VPS53: variants seen among roughly 807,000 people sequenced by gnomAD.
VPS53 encodes the protein VPS53 subunit of GARP complex, also known as vacuolar protein sorting-associated protein 53 homolog.
Under a neutral mutation model 107.0 loss-of-function variants are expected in VPS53, and 70 were observed. That is an observed-to-expected ratio of 0.65 (90% CI 0.54 to 0.80). The LOEUF (loss-of-function observed/expected upper bound fraction) is 0.80. VPS53 is among the 30% of genes least tolerant of loss of function. VPS53 has a pLI of 0.00. For synonymous variants in VPS53, 409 were observed against 393.3 expected (o/e 1.04, Z -0.47); for missense variants, 917 against 1,049.4 (o/e 0.87, Z 1.74).
chr17:628,135 T>C lies in VPS53; in HGVS notation c.784A>G (p.Lys262Glu). ...ACCAGATACTCTGACAGATGCTGTT[T>C]AATAAACTTTTTGATGATTTCCTGT... Reference protein sequence around the residue: ...IKQEIIKKFIKQHLSEYLVLF... With the variant: ...IKQEIIKKFIEQHLSEYLVLF... The change falls in exon 9 of 22, where the codon AAA (lysine) becomes GAA (glutamate). Residue 262 changes from lysine to glutamate, a missense_variant. Physicochemically the swap from Lys to Glu is moderately conservative, Grantham distance 56. Coordinates refer to ENST00000437048, the MANE Select transcript of VPS53 (RefSeq NM_001128159.3). The C allele has an allele frequency of 6.2e-7, 1 of 1,614,026 alleles. No homozygotes were observed. The highest frequency in any genetic ancestry group is 1.1e-5 in the South Asian group (1 of 91,018).
At chr17:586,759 A>T (rs1967339778) in intron 12 of VPS53, among the ~76,000 whole-genome samples, 1 of 152,144 alleles carries the variant, frequency 6.6e-6, no homozygotes, top group African/African-American at 2.4e-5. Context: ...ACCAACTAAT[A>T]TGTCACCTGC....
chr17:710,472 G>T, intron 2 of VPS53, 61 bp downstream of exon 2: 1 of 1,325,844 alleles, frequency 7.5e-7, no homozygotes, highest in Non-Finnish European at 1.1e-6. Context: ...AACACACGAA[G>T]CATAACACCC....
intron 17 of VPS53, among the ~76,000 whole-genome samples, chr17:549,398 T>C (rs996528090): frequency 6.6e-6 from 1 of 152,034 alleles, no homozygotes; most frequent in Non-Finnish European, 1.5e-5. Context: ...CCCAAGTCTG[T>C]GGTTTTCCTA....
intron 4 of VPS53, among the ~76,000 whole-genome samples, chr17:691,806 A>ACTGT (rs1252011035): frequency 6.6e-6 from 1 of 152,220 alleles, no homozygotes; most frequent in Non-Finnish European, 1.5e-5. Flanking sequence ...ATGCTGGCAT[A>ACTGT]CTGTCATAAT....
intron 11 of VPS53, among the ~76,000 whole-genome samples, chr17:604,414 G>A (rs749946512): frequency 3.3e-5 from 5 of 152,108 alleles, no homozygotes; most frequent in Non-Finnish European, 5.9e-5. Context: ...TACTCTCGCC[G>A]GTGTAAAGCA....
chr17:590,914 CCT>C (rs1332602278), intron 12 of VPS53, among the ~76,000 whole-genome samples: 1 of 150,552 alleles, frequency 6.6e-6, no homozygotes, highest in African/African-American at 2.4e-5. Flanking sequence ...GAGAGGATTC[CCT>C]CTTTTTCTAT....
intron 17 of VPS53, chr17:537,906 G>T (rs1172994449): frequency 2.6e-5 from 4 of 152,290 alleles, no homozygotes; most frequent in Non-Finnish European, 2.9e-5. Context: ...TTCAATAAGG[G>T]GAAGGGAAAG....
At chr17:677,025 G>C (rs755557273) in intron 4 of VPS53, among the ~76,000 whole-genome samples, 2 of 152,080 alleles carry the variant, frequency 1.3e-5, no homozygotes, top group African/African-American at 2.4e-5. Flanking sequence ...GAACAATATG[G>C]AAAAATGTTT....
intron 4 of VPS53, among the ~76,000 whole-genome samples, chr17:696,321 G>A (rs1216496217): frequency 6.6e-6 from 1 of 152,168 alleles, no homozygotes; most frequent in Non-Finnish European, 1.5e-5. Flanking sequence ...GTAAGCAACT[G>A]GCAGAAGGAA....
At chr17:712,916 T>C (rs1418344309) in intron 1 of VPS53, among the ~76,000 whole-genome samples, 2 of 152,230 alleles carry the variant, frequency 1.3e-5, no homozygotes, top group East Asian at 3.8e-4. Context: ...AAATGTTATG[T>C]CTTTTTCTGG....
chr17:586,361 T>A lies in VPS53; in HGVS notation c.1222A>T (p.Lys408Ter). 6.2e-7 allele frequency: 1 copy of A among 1,614,064 alleles called. No individual in the cohort carries two copies. The highest frequency in any genetic ancestry group is 8.5e-7 in the Non-Finnish European group (1 of 1,179,950). The change falls in exon 13 of 22, where the codon AAG (lysine) becomes TAG (stop). Residue 408 changes from lysine (K) to a stop codon, truncating the protein, a stop_gained. Coordinates refer to ENST00000437048, the MANE Select transcript of VPS53 (RefSeq NM_001128159.3). LOFTEE classifies it high-confidence loss of function. Reference protein sequence around the residue: ...ATEKGDLDQPKKPKAPDNPFH... With the variant: ...ATEKGDLDQP ...GGATTGTCTGGGGCTTTAGGCTTCT[T>A]TGGCTGTAAAAACAAAGAAAAATAA...
chr17:535,225 G>C (rs530284585), intron 18 of VPS53, among the ~76,000 whole-genome samples: 13 of 152,310 alleles, frequency 8.5e-5, no homozygotes, highest in African/African-American at 2.6e-4. Context: ...CAGATGTGAG[G>C]GGGGGCATCC....
intron 8 of VPS53, among the ~76,000 whole-genome samples, chr17:629,678 G>A (rs1191832260): frequency 6.6e-6 from 1 of 151,506 alleles, no homozygotes; most frequent in Non-Finnish European, 1.5e-5. Flanking sequence ...CAAGAGAATG[G>A]CATGAACTCG....
At chr17:701,052 G>C (rs1232757690) in intron 2 of VPS53, among the ~76,000 whole-genome samples, 1 of 152,088 alleles carries the variant, frequency 6.6e-6, no homozygotes, top group Non-Finnish European at 1.5e-5. Context: ...GGCTGGACGT[G>C]ATGGCTCATG....
At chr17:683,589 A>G (rs1183073339) in intron 4 of VPS53, among the ~76,000 whole-genome samples, 2 of 152,246 alleles carry the variant, frequency 1.3e-5, no homozygotes, top group Non-Finnish European at 2.9e-5. Context: ...AATGAGATCT[A>G]TGTGAGGTGA....
intron 15 of VPS53, among the ~76,000 whole-genome samples, chr17:555,043 A>T (rs768467502): frequency 1.1e-4 from 17 of 152,234 alleles, no homozygotes; most frequent in Non-Finnish European, 1.9e-4. Flanking sequence ...GAAACAATCT[A>T]CATGTGTATT....
rs1908687256 is a variant in VPS53 at position 520,820 on chromosome 17, C to T, written c.2223+781G>A. ...TCACCTACATGAGCTGCTTCACCCT[C>T]ACCTACATGAGCTGCTTCACCCTCA... On this transcript the variant is annotated intron_variant, in intron 20 of 21. Transcript: ENST00000437048. This position sits in a 1 kb window ranked among gnomAD's most constrained non-coding sequence, Gnocchi z 4.4. Among the ~76,000 whole-genome samples the T allele has an allele frequency of 6.6e-6, 1 of 151,810 alleles. No homozygotes were observed. The highest frequency in any genetic ancestry group is 1.5e-5 in the Non-Finnish European group (1 of 67,948).
chr17:569,507 T>G (rs1455064625), intron 13 of VPS53, among the ~76,000 whole-genome samples: 1 of 152,114 alleles, frequency 6.6e-6, no homozygotes, highest in South Asian at 2.1e-4. Flanking sequence ...TACAACCTAC[T>G]GAATAAAATA....
chr17:597,563 G>C (rs769956534), intron 12 of VPS53, among the ~76,000 whole-genome samples: 80 of 152,172 alleles, frequency 5.3e-4, no homozygotes, highest in Middle Eastern at 3.2e-3. Flanking sequence ...TTTCTTTTGA[G>C]ATGGAGTCTC....
Sources: allele counts gnomAD v4.1 joint callset (sites outside exome capture counted in the v4.1 genomes callset), GRCh38; gene constraint gnomAD v4.1.1; non-coding constraint Gnocchi (gnomAD v3.1); transcripts MANE v1.5; gene names NCBI Gene and HGNC (gene_info 2026-07-23, HGNC 2026-07-21).